LRBA: variants seen among roughly 807,000 people sequenced by gnomAD.
LRBA encodes the protein LPS responsive beige-like anchor protein.
A neutral mutation model predicts 330.0 loss-of-function variants in LRBA; 176 were observed. The observed-to-expected ratio is 0.53, with a 90% CI of 0.47 to 0.60. The LOEUF (loss-of-function observed/expected upper bound fraction) is 0.60. Ranked by LOEUF, LRBA falls within the 20% of genes least tolerant of loss-of-function variation. The pLI, the probability that LRBA is intolerant of heterozygous loss-of-function variation, is 0.00. For missense variants in LRBA, 3,259 were observed against 3,444.8 expected (o/e 0.95, Z 1.35); for synonymous variants, 1,230 against 1,193.0 (o/e 1.03, Z -0.64).
intron 48 of LRBA, among the ~76,000 whole-genome samples, chr4:150,349,187 C>A (rs895042661): frequency 1.2e-4 from 18 of 152,058 alleles, no homozygotes; most frequent in Non-Finnish European, 1.3e-4. Context: ...CTTAGTAGAA[C>A]TATAAAAGAA....
chr4:150,546,750 G>C (rs773678770), intron 40 of LRBA, among the ~76,000 whole-genome samples: 2 of 152,162 alleles, frequency 1.3e-5, no homozygotes, highest in Non-Finnish European at 2.9e-5. Flanking sequence ...ATGACGATTA[G>C]TTGTTTCACA....
At chr4:150,674,435 C>T (rs901340923) in intron 37 of LRBA, among the ~76,000 whole-genome samples, 7 of 151,062 alleles carry the variant, frequency 4.6e-5, no homozygotes, top group African/African-American at 1.7e-4. Flanking sequence ...ACCAAGAATG[C>T]TTCTGAACCT....
At chr4:150,963,841 C>T (rs1738518862) in intron 2 of LRBA, among the ~76,000 whole-genome samples, 1 of 148,406 alleles carries the variant, frequency 6.7e-6, no homozygotes, top group South Asian at 2.1e-4. Flanking sequence ...GCAGTCATCC[C>T]GTCTAGGAAG....
chr4:150,623,580 A>G (rs2126638737), intron 37 of LRBA, among the ~76,000 whole-genome samples: 1 of 152,250 alleles, frequency 6.6e-6, no homozygotes, highest in South Asian at 2.1e-4. Flanking sequence ...AATGCAAAAG[A>G]GGAAACCAGA....
chr4:150,975,609 G>T (rs1009965581), intron 2 of LRBA, among the ~76,000 whole-genome samples: 3 of 151,110 alleles, frequency 2.0e-5, no homozygotes, highest in African/African-American at 7.3e-5. Flanking sequence ...AGACAGAATA[G>T]AAGTATTCAA....
intron 31 of LRBA, among the ~76,000 whole-genome samples, chr4:150,815,172 T>C (rs1378968801): frequency 6.6e-6 from 1 of 151,984 alleles, no homozygotes; most frequent in Non-Finnish European, 1.5e-5. Flanking sequence ...TACCTGAATT[T>C]AAAAGACGGC....
intron 37 of LRBA, among the ~76,000 whole-genome samples, chr4:150,675,435 A>C (rs956356850): frequency 5.3e-5 from 8 of 152,258 alleles, no homozygotes; most frequent in African/African-American, 1.9e-4. Flanking sequence ...TACTTGGCAC[A>C]GGGCTGGGCG....
At chr4:150,469,895 A>G (rs993780773) in intron 43 of LRBA, among the ~76,000 whole-genome samples, 5 of 152,144 alleles carry the variant, frequency 3.3e-5, no homozygotes, top group African/African-American at 7.2e-5. Context: ...TAAAATAACC[A>G]TAATTGGCAG....
At chr4:150,339,844 C>CTTTT (rs33987955) in intron 48 of LRBA, among the ~76,000 whole-genome samples, 1,841 of 137,030 alleles carry the variant, frequency 0.013, 16 homozygotes, top group Non-Finnish European at 0.014. Flanking sequence ...GCTCCTTTTC[C>CTTTT]TTTTTTTTTT....
intron 48 of LRBA, among the ~76,000 whole-genome samples, chr4:150,344,732 G>T (rs1035660162): frequency 6.6e-6 from 1 of 152,068 alleles, no homozygotes; most frequent in Non-Finnish European, 1.5e-5. Context: ...TCATCTTTTT[G>T]TAGAGATGAA....
In LRBA at chr4:150,892,031, G is replaced by T. The variant is rs369502992; in HGVS notation, c.2165+1021C>A. ...CCCTTGAGCCCAGGAGGTCAAGGCTGCAGTGACCCGTGATCATACCACTGC... is the reference window on the plus strand; with the variant it reads ...CCCTTGAGCCCAGGAGGTCAAGGCTTCAGTGACCCGTGATCATACCACTGC... On this transcript the variant is annotated intron_variant, in intron 17 of 56. Transcript: ENST00000651943. 2.0e-5 allele frequency among the ~76,000 whole-genome samples: 3 copies of T among 152,148 alleles called. No individual in the cohort carries two copies. In the East Asian group the frequency reaches 5.8e-4, roughly 29 times the overall value.
intron 37 of LRBA, among the ~76,000 whole-genome samples, chr4:150,633,656 A>C (rs1192940777): frequency 6.6e-6 from 1 of 152,154 alleles, no homozygotes; most frequent in Non-Finnish European, 1.5e-5. Context: ...CCATCATAAA[A>C]TCTTTATGGC....
intron 18 of LRBA, 75 bp from the exon 19 acceptor site, chr4:150,871,528 G>A (rs1178815544): frequency 1.2e-6 from 1 of 817,586 alleles, no homozygotes; most frequent in Non-Finnish European, 2.1e-6. Flanking sequence ...CTGGATGAAG[G>A]AAACACAAAA....
intron 32 of LRBA, among the ~76,000 whole-genome samples, chr4:150,806,714 A>C (rs1294851582): frequency 6.6e-6 from 1 of 152,040 alleles, no homozygotes; most frequent in Non-Finnish European, 1.5e-5. Flanking sequence ...AATCTAAACA[A>C]ACTCTCATCA....
At chr4:150,790,549 T>C (rs115084193) in intron 34 of LRBA, among the ~76,000 whole-genome samples, 2,174 of 152,344 alleles carry the variant, frequency 0.014, 56 homozygotes, top group African/African-American at 0.048. Flanking sequence ...TAATAGAAAG[T>C]TATCTGTTAT....
intron 11 of LRBA, among the ~76,000 whole-genome samples, chr4:150,907,403 A>C (rs1731475084): frequency 6.6e-6 from 1 of 151,836 alleles, no homozygotes; most frequent in Admixed American, 6.6e-5. Flanking sequence ...AAACCCTGTT[A>C]GAACACAGCA....
intron 36 of LRBA, among the ~76,000 whole-genome samples, chr4:150,702,684 A>G (rs1785228250): frequency 6.6e-6 from 1 of 152,172 alleles, no homozygotes; most frequent in Non-Finnish European, 1.5e-5. Context: ...TCTATCATAC[A>G]CTACAGACTG....
chr4:150,977,242 GTTAAAAGGACTTTGTC>G (rs1040643490), intron 2 of LRBA, among the ~76,000 whole-genome samples: 6 of 152,212 alleles, frequency 3.9e-5, no homozygotes, highest in African/African-American at 1.4e-4. Context: ...AGAGTGAAAA[GTTAAAAGGACTTTGTC>G]TTGCATCTTG....
intron 39 of LRBA, among the ~76,000 whole-genome samples, chr4:150,589,600 C>T (rs941025610): frequency 3.3e-5 from 5 of 152,194 alleles, no homozygotes; most frequent in Admixed American, 3.3e-4. Flanking sequence ...GGTAAGCAGA[C>T]AGCTGCAAGA....
Sources: gnomAD v4.1 joint callset for allele counts (sites outside exome capture counted in the v4.1 genomes callset) on GRCh38, gnomAD v4.1.1 for gene constraint, MANE v1.5 for transcripts, NCBI Gene and HGNC (gene_info 2026-07-23, HGNC 2026-07-21) for gene names.